Variants in HHAT observed in about 807,000 individuals in gnomAD.
The protein encoded by HHAT is hedgehog acyltransferase, also known as protein-cysteine N-palmitoyltransferase HHAT.
A neutral mutation model predicts 70.8 loss-of-function variants in HHAT; 47 were observed. The ratio of observed to expected loss-of-function variants is 0.66; its 90% CI spans 0.53 to 0.85. The LOEUF (loss-of-function observed/expected upper bound fraction) is 0.85, where lower values mean the gene tolerates loss of function less well. Ranked by LOEUF, HHAT falls within the 40% of genes least tolerant of loss-of-function variation. The pLI is 0.00. For missense variants in HHAT, 609 were observed against 604.8 expected, an observed-to-expected ratio of 1.01 and a Z score of -0.07; for synonymous variants, 228 against 247.6, an observed-to-expected ratio of 0.92 and a Z score of 0.74.
chr1:210,377,434 T>C (rs538848439), intron 3 of HHAT, among the ~76,000 whole-genome samples: 3 of 152,314 alleles, frequency 2.0e-5, no homozygotes, highest in Admixed American at 2.0e-4. Flanking sequence ...TATTTCTTTT[T>C]AAGCATTTGA....
chr1:210,671,987 A>G (rs1009385000), intron 11 of HHAT, among the ~76,000 whole-genome samples: 20 of 152,186 alleles, frequency 1.3e-4, no homozygotes, highest in Non-Finnish European at 2.5e-4. Context: ...TGGTAGAGAA[A>G]GACTTCTGTG....
intron 11 of HHAT, among the ~76,000 whole-genome samples, chr1:210,664,414 C>T (rs1335653590): frequency 6.6e-6 from 1 of 152,212 alleles, no homozygotes; most frequent in African/African-American, 2.4e-5. Context: ...ATGAAGGCAG[C>T]AGTGCATAAA....
At chr1:210,601,971 G>GTGTA (rs2148821698) in intron 10 of HHAT, among the ~76,000 whole-genome samples, 1 of 3,932 alleles carries the variant, frequency 2.5e-4, no homozygotes, top group African/African-American at 3.0e-4. Context: ...GTGTGTGAGA[G>GTGTA]TGTGTGTGTG....
chr1:210,597,796 A>G (rs1663331023), intron 10 of HHAT, among the ~76,000 whole-genome samples: 1 of 152,006 alleles, frequency 6.6e-6, no homozygotes, highest in African/African-American at 2.4e-5. Context: ...TGGGGACCCC[A>G]ATAGCCTACT....
chr1:210,664,948 G>T (rs994302169), intron 11 of HHAT, among the ~76,000 whole-genome samples: 4 of 152,194 alleles, frequency 2.6e-5, no homozygotes, highest in Non-Finnish European at 5.9e-5. Flanking sequence ...AAATTCATCA[G>T]TCACCAAGTC....
intron 4 of HHAT, among the ~76,000 whole-genome samples, chr1:210,392,068 T>C (rs2091495300): frequency 6.6e-6 from 1 of 152,204 alleles, no homozygotes; most frequent in South Asian, 2.1e-4. Flanking sequence ...GAGATCTTGC[T>C]GTATTGCCCA....
rs369584638 is a variant in HHAT, at chr1:210,509,748, C to T, written c.1008-3405C>T. 1.1e-4 allele frequency among the ~76,000 whole-genome samples: 17 copies of T among 152,324 alleles called. No individual in the cohort carries two copies. The East Asian group carries it at 3.1e-3, about 28-fold the overall frequency. ...TGGTGAGAAACTATAACCCTTTACT[C>T]TCCACTAACCTCGCCTGCCTTTCTC... On this transcript the variant is annotated intron_variant, in intron 8 of 11. Coordinates refer to ENST00000261458, the MANE Select transcript of HHAT (RefSeq NM_018194.6).
intron 11 of HHAT, chr1:210,631,086 G>A (rs4951682): frequency 0.2 from 90,649 of 456,348 alleles, 9,461 homozygotes; most frequent in East Asian, 0.28. Flanking sequence ...ACAAACAGAG[G>A]TACTGGCTAC....
At chr1:210,527,391 T>C (rs1381591038) in intron 9 of HHAT, among the ~76,000 whole-genome samples, 1 of 152,182 alleles carries the variant, frequency 6.6e-6, no homozygotes, top group African/African-American at 2.4e-5. Flanking sequence ...TCACTTTCCT[T>C]ATCTGTAAAA....
chr1:210,519,482 TAA>T (rs1342687686), intron 9 of HHAT, among the ~76,000 whole-genome samples: 2 of 151,658 alleles, frequency 1.3e-5, no homozygotes, highest in African/African-American at 4.8e-5. Flanking sequence ...GTGTGCAATG[TAA>T]AGAGTTCCTT....
At chr1:210,471,942 A>G (rs1306081588) in intron 8 of HHAT, among the ~76,000 whole-genome samples, 1 of 152,152 alleles carries the variant, frequency 6.6e-6, no homozygotes, top group African/African-American at 2.4e-5. Flanking sequence ...TTCTAACTGA[A>G]ATTTTGTATC....
intron 3 of HHAT, among the ~76,000 whole-genome samples, chr1:210,372,796 G>A (rs1026636247): frequency 1.5e-5 from 1 of 65,660 alleles, no homozygotes; most frequent in African/African-American, 6.4e-5. Flanking sequence ...TTTTTTTTTT[G>A]TGATCCTTCT....
intron 1 of HHAT, among the ~76,000 whole-genome samples, chr1:210,331,888 A>G (rs997498141): frequency 6.6e-6 from 1 of 152,132 alleles, no homozygotes; most frequent in East Asian, 1.9e-4. Flanking sequence ...GCCAGTGGTG[A>G]CTACTTTTCT....
rs78127421 is a variant in HHAT at position 210,647,165 on chromosome 1, C to T, written c.1390+23495C>T. On this transcript the variant is annotated intron_variant, in intron 11 of 11. Transcript: ENST00000261458. ...AGAATCCTGCCTTGACTCTCCCTTG[C>T]GCTTTTCATGTTCCTTGGATTGTAG... Among the ~76,000 whole-genome samples, 296 of 152,324 alleles carry T rather than the reference C, an allele frequency of 1.9e-3. 1 individual carries two copies. The highest frequency in any genetic ancestry group is 6.9e-3 in the African/African-American group (285 of 41,576).
intron 8 of HHAT, among the ~76,000 whole-genome samples, chr1:210,484,846 A>T (rs989385906): frequency 1.3e-5 from 2 of 152,228 alleles, no homozygotes; most frequent in African/African-American, 4.8e-5. Flanking sequence ...TGGGAGCCCC[A>T]TCAACCTGCT....
intron 7 of HHAT, among the ~76,000 whole-genome samples, chr1:210,444,621 A>G (rs2093596409): frequency 6.6e-6 from 1 of 151,910 alleles, no homozygotes; most frequent in Non-Finnish European, 1.5e-5. Flanking sequence ...TAGATTTTCT[A>G]GTTTAATTGC....
Position 210,450,451 on chromosome 1 carries a change from C to T in HHAT, c.857-14054C>T, listed in dbSNP as rs1048827048. Among the ~76,000 whole-genome samples the T allele has an allele frequency of 2.6e-5, 4 of 151,998 alleles. No individual in the cohort carries two copies. The East Asian group carries it at 7.7e-4, about 29-fold the overall frequency. ...TGTGAAAGGGAAGATGTTCTGAGTG[C>T]AACTTTCCTATTCTGAAGGATTAAA... On this transcript the variant is annotated intron_variant, in intron 7 of 11. Coordinates refer to ENST00000261458, the MANE Select transcript of HHAT (RefSeq NM_018194.6).
intron 4 of HHAT, among the ~76,000 whole-genome samples, chr1:210,394,288 C>G (rs1413934866): frequency 7.9e-6 from 1 of 126,210 alleles, no homozygotes; most frequent in South Asian, 2.7e-4. Context: ...ATAAAACTTT[C>G]CACTGAGTTC....
At chr1:210,613,568 C>G (rs1434421569) in intron 10 of HHAT, among the ~76,000 whole-genome samples, 1 of 152,088 alleles carries the variant, frequency 6.6e-6, no homozygotes, top group African/African-American at 2.4e-5. Context: ...CAACTTTGTT[C>G]TGCTTTTTCA....
Sources: allele counts gnomAD v4.1 joint callset (sites outside exome capture counted in the v4.1 genomes callset), GRCh38; gene constraint gnomAD v4.1.1; transcripts MANE v1.5; gene names NCBI Gene and HGNC (gene_info 2026-07-23, HGNC 2026-07-21).